LNX1: variants seen among roughly 807,000 people sequenced by gnomAD.
LNX1 encodes the protein E3 ubiquitin-protein ligase LNX.
LNX1 carries 54 observed loss-of-function variants against 68.4 expected under a neutral mutation model. That is an observed-to-expected ratio of 0.79 (90% CI 0.63 to 0.99). The LOEUF (loss-of-function observed/expected upper bound fraction) is 0.99, where lower values mean the gene tolerates loss of function less well. Among genes scored for constraint, LNX1 ranks in the 50% least tolerant of loss-of-function variants. The pLI is 0.00. For synonymous variants in LNX1, 336 were observed against 350.0 expected, an observed-to-expected ratio of 0.96 and a Z score of 0.45; for missense variants, 906 against 926.4, an observed-to-expected ratio of 0.98 and a Z score of 0.29.
chr4:53,630,043 T>G (rs1734211783), intron 1 of LNX1, among the ~76,000 whole-genome samples: 1 of 152,006 alleles, frequency 6.6e-6, no homozygotes, highest in African/African-American at 2.4e-5. Context: ...TTAATCATGT[T>G]GAAAACATGA....
upstream of LNX1, among the ~76,000 whole-genome samples, chr4:53,593,682 G>A (rs1273195415): frequency 1.3e-5 from 2 of 150,428 alleles, no homozygotes; most frequent in African/African-American, 4.9e-5. Flanking sequence ...TTTTTTTTTG[G>A]GCCATTAGGG....
At chr4:53,465,859 T>C (rs1722638425) in intron 9 of LNX1, among the ~76,000 whole-genome samples, 1 of 152,222 alleles carries the variant, frequency 6.6e-6, no homozygotes, top group Non-Finnish European at 1.5e-5. Context: ...TTTTCACAAA[T>C]ACCTTGGCAA....
At chr4:53,490,895 T>C (rs35089532) in intron 6 of LNX1, among the ~76,000 whole-genome samples, 18,016 of 152,262 alleles carry the variant, frequency 0.12, 1,399 homozygotes, top group South Asian at 0.22. Context: ...TTTCCATTTC[T>C]TTTTCAACTA....
At chr4:53,544,675 G>T (rs1406395012) in intron 2 of LNX1, among the ~76,000 whole-genome samples, 3 of 152,230 alleles carry the variant, frequency 2.0e-5, no homozygotes, top group African/African-American at 7.2e-5. Context: ...AAAAAAGTGT[G>T]CAGGGGGCGA....
intron 9 of LNX1, among the ~76,000 whole-genome samples, chr4:53,470,075 C>T (rs1389062480): frequency 1.3e-5 from 2 of 152,074 alleles, no homozygotes; most frequent in Non-Finnish European, 2.9e-5. Flanking sequence ...GGATGAACAC[C>T]AATGCAAAAA....
intron 2 of LNX1, among the ~76,000 whole-genome samples, chr4:53,555,089 G>C (rs750266651): frequency 1.7e-4 from 26 of 152,068 alleles, no homozygotes; most frequent in African/African-American, 6.0e-4. Context: ...TCCAAAGCTC[G>C]GATAAAGGGT....
chr4:53,593,649 G>A (rs1732613601), upstream of LNX1, among the ~76,000 whole-genome samples: 1 of 151,678 alleles, frequency 6.6e-6, no homozygotes, highest in Non-Finnish European at 1.5e-5. Flanking sequence ...TAATATGCAG[G>A]GGTTAAAAAA....
intron 6 of LNX1, among the ~76,000 whole-genome samples, chr4:53,493,578 G>GC (rs1320696477): frequency 1.3e-5 from 2 of 152,324 alleles, no homozygotes; most frequent in Non-Finnish European, 2.9e-5. Flanking sequence ...GCAGAGAGTT[G>GC]CCAGCACCTA....
chr4:53,519,046 T>G (rs925664), intron 2 of LNX1, among the ~76,000 whole-genome samples: 151,571 of 152,276 alleles, frequency 1, 75,434 homozygotes, highest in Middle Eastern at 1. Flanking sequence ...CCATTTATCA[T>G]TGCTGCATGC....
At chr4:53,497,460 G>A (rs1047672995) in intron 5 of LNX1, among the ~76,000 whole-genome samples, 1 of 152,216 alleles carries the variant, frequency 6.6e-6, no homozygotes, top group Admixed American at 6.5e-5. Context: ...AGCTCCAGAG[G>A]CTCCCTCATG....
rs145752200 is a variant in LNX1 at position 53,622,650 on chromosome 4, A to G, written c.-215+29518T>C. ...CAGGATACAGTAAATATAACAAAGG[A>G]GGAAGTTCATGAGATTGAAAAGGTT... On this transcript the variant is annotated intron_variant, in intron 1 of 2. Coordinates refer to the LNX1 transcript ENST00000507168. Among the ~76,000 whole-genome samples the G allele has an allele frequency of 4.3e-3, 662 of 152,312 alleles. 5 individuals carry two copies. The highest frequency in any genetic ancestry group is 0.015 in the African/African-American group (631 of 41,560).
At chr4:53,634,325 C>T (rs1305747746) in intron 1 of LNX1, among the ~76,000 whole-genome samples, 2 of 151,686 alleles carry the variant, frequency 1.3e-5, no homozygotes, top group African/African-American at 2.4e-5. Context: ...CTCATTGCAC[C>T]CTCCACCTCC....
At chr4:53,635,065 A>G (rs1400579212) in intron 1 of LNX1, among the ~76,000 whole-genome samples, 2 of 152,172 alleles carry the variant, frequency 1.3e-5, no homozygotes, top group African/African-American at 4.8e-5. Context: ...TCTGGGCTCA[A>G]GCAATCCTCC....
At chr4:53,639,592 G>A (rs1734602415) in intron 1 of LNX1, among the ~76,000 whole-genome samples, 1 of 152,174 alleles carries the variant, frequency 6.6e-6, no homozygotes, top group African/African-American at 2.4e-5. Flanking sequence ...AGGCTCACAG[G>A]AACCCAACTT....
intron 2 of LNX1, among the ~76,000 whole-genome samples, chr4:53,540,319 G>C (rs1010681874): frequency 6.6e-6 from 1 of 152,104 alleles, no homozygotes; most frequent in Non-Finnish European, 1.5e-5. Context: ...AGTGGTTGAG[G>C]CTGCAGTAAG....
In LNX1 at chr4:53,508,010, A is replaced by G. The variant is rs1726039640; in HGVS notation, c.598T>C (p.Ser200Pro). The change falls in exon 3 of 11, where the codon TCT (serine) becomes CCT (proline). Residue 200 changes from serine (S) to proline (P), a missense_variant. By Grantham distance (74) the Ser-to-Pro change is moderately conservative. Transcript: ENST00000263925. ...CCCCTAGTTCGGTTGCTCCGGCCAGAGTCCACTGGGCTGATTGCTGGCTGC... is the reference window on the plus strand; with the variant it reads ...CCCCTAGTTCGGTTGCTCCGGCCAGGGTCCACTGGGCTGATTGCTGGCTGC... ...DGQPAISPVD[S>P]GRSNRTRARP... The G allele has an allele frequency of 3.7e-6, 6 of 1,614,056 alleles. No individual in the cohort carries two copies. The African/African-American group carries it at 6.7e-5, about 18-fold the overall frequency.
intron 2 of LNX1, among the ~76,000 whole-genome samples, chr4:53,563,675 C>G (rs965083747): frequency 6.6e-6 from 1 of 152,100 alleles, no homozygotes; most frequent in African/African-American, 2.4e-5. Context: ...GCTGGGATTA[C>G]AGGCATCTGT....
chr4:53,537,708 C>T (rs1728472306), intron 2 of LNX1, among the ~76,000 whole-genome samples: 1 of 152,192 alleles, frequency 6.6e-6, no homozygotes, highest in Non-Finnish European at 1.5e-5. Flanking sequence ...TACCATTTCC[C>T]CATCTGTCAT....
upstream of LNX1, among the ~76,000 whole-genome samples, chr4:53,592,385 T>C (rs556099201): frequency 1.3e-5 from 2 of 152,290 alleles, no homozygotes; most frequent in South Asian, 4.1e-4. Context: ...CGTAAACTCA[T>C]CCAGCACCAG....
Sources: allele counts gnomAD v4.1 joint callset (sites outside exome capture counted in the v4.1 genomes callset), GRCh38; gene constraint gnomAD v4.1.1; transcripts MANE v1.5; gene names NCBI Gene and HGNC (gene_info 2026-07-23, HGNC 2026-07-21).